COLEC10: variants seen among roughly 807,000 people sequenced by gnomAD.
COLEC10 encodes collectin subfamily member 10, also known as collectin-10.
COLEC10 carries 22 observed loss-of-function variants against 28.4 expected under a neutral mutation model. The ratio of observed to expected loss-of-function variants is 0.78; its 90% CI spans 0.55 to 1.11. The LOEUF (loss-of-function observed/expected upper bound fraction) is 1.11. COLEC10 is among the 50% of genes least tolerant of loss of function. The probability of loss-of-function intolerance (pLI) is 0.00; values close to 1 mark genes in which losing one functional copy is unlikely to be tolerated. For missense variants in COLEC10, 361 were observed against 344.1 expected (o/e 1.05, Z -0.39); for synonymous variants, 125 against 116.1 (o/e 1.08, Z -0.49).
chr8:118,986,076 C>T, the COLEC10 span, among the ~76,000 whole-genome samples: 1 of 152,020 alleles, frequency 6.6e-6, no homozygotes. Flanking sequence ...TCAAGAATCA[C>T]CAAAAGTTGG....
Position 119,103,883 on chromosome 8 carries a change from T to C in COLEC10, c.430T>C (p.Phe144Leu). 6.2e-7 allele frequency: 1 copy of C among 1,608,728 alleles called. No homozygotes were observed. Among genetic ancestry groups the C allele is most frequent in the Non-Finnish European group, 8.5e-7 (1 of 1,175,452 alleles). The stretch of plus-strand genomic sequence containing the variant: ...TGCTCGGCTCAAGACATCTATGAAG[T>C]TTGTCAAGAATGGTGAGCATATTCT... Reference protein sequence around the residue: ...SIARLKTSMKFVKNVIAGIRE... With the variant: ...SIARLKTSMKLVKNVIAGIRE... Residue 144 changes from phenylalanine (F) to leucine (L), a missense_variant, in exon 5 of 6, where the codon TTT (phenylalanine) becomes CTT (leucine). This residue lies in a region of COLEC10 where 335 missense variants were observed against 308.5 expected (regional missense o/e 1.09). Coordinates refer to ENST00000332843, the MANE Select transcript of COLEC10 (RefSeq NM_006438.5).
upstream of COLEC10, among the ~76,000 whole-genome samples, chr8:119,065,235 C>T (rs774389003): frequency 5.3e-5 from 8 of 152,066 alleles, no homozygotes; most frequent in Non-Finnish European, 1.2e-4. Context: ...GGTGAGCCTG[C>T]GAAGTTTCAT....
At chr8:119,016,203 A>AGT (rs1375835738) in intron 2 of COLEC10, among the ~76,000 whole-genome samples, 1 of 151,872 alleles carries the variant, frequency 6.6e-6, no homozygotes, top group African/African-American at 2.4e-5. Context: ...GACAGGCCCC[A>AGT]GTGTGTGATA....
At position 119,072,218 on chromosome 8, in the gene COLEC10, A is replaced by T. The variant is rs540492509; in HGVS notation, c.148+4789A>T. On this transcript the variant is annotated intron_variant, in intron 1 of 5. Transcript: ENST00000332843. Reference sequence around the variant, plus strand: ...GCAAAGCTCTTTCCCTTTCAGCATGACTCTAATCACCACATCCAATGGGGT... The same window carrying T: ...GCAAAGCTCTTTCCCTTTCAGCATGTCTCTAATCACCACATCCAATGGGGT... 2.0e-5 allele frequency among the ~76,000 whole-genome samples: 3 copies of T among 152,112 alleles called. No individual in the cohort carries two copies. In the East Asian group the frequency reaches 5.8e-4, roughly 30 times the overall value.
At chr8:119,000,794 G>A (rs1052366804) in intron 1 of COLEC10, among the ~76,000 whole-genome samples, 3 of 152,166 alleles carry the variant, frequency 2.0e-5, no homozygotes, top group African/African-American at 7.2e-5. Context: ...CAAAGCAGGG[G>A]AAAAGAAGTC....
intron 2 of COLEC10, among the ~76,000 whole-genome samples, chr8:119,044,849 A>C (rs1054165640): frequency 4.7e-4 from 71 of 152,200 alleles, no homozygotes; most frequent in African/African-American, 1.7e-3. Flanking sequence ...TCTCCAAAAA[A>C]AAAAAAAAGA....
At chr8:118,961,726 G>A in the COLEC10 span, among the ~76,000 whole-genome samples, 23 of 152,316 alleles carry the variant, frequency 1.5e-4, no homozygotes, top group African/African-American at 4.3e-4. Context: ...CGCCTGGGTG[G>A]CTGGATTGGA....
chr8:119,052,058 GC>G (rs1232719622), intron 2 of COLEC10, among the ~76,000 whole-genome samples: 1 of 152,136 alleles, frequency 6.6e-6, no homozygotes, highest in Non-Finnish European at 1.5e-5. Context: ...AACTTTATTA[GC>G]CCCTGAGTAC....
chr8:119,065,586 G>T (rs991271927), upstream of COLEC10, among the ~76,000 whole-genome samples: 1 of 152,096 alleles, frequency 6.6e-6, no homozygotes, highest in Non-Finnish European at 1.5e-5. Context: ...GCCAGGCATG[G>T]TGGCTCACAC....
chr8:119,090,850 C>T (rs941911657), intron 2 of COLEC10, among the ~76,000 whole-genome samples: 1 of 152,190 alleles, frequency 6.6e-6, no homozygotes, highest in Non-Finnish European at 1.5e-5. Context: ...ATACTTTCAC[C>T]TGGCCCTTCT....
chr8:119,077,439 T>A (rs1405657752), intron 1 of COLEC10, among the ~76,000 whole-genome samples: 1 of 152,190 alleles, frequency 6.6e-6, no homozygotes, highest in African/African-American at 2.4e-5. Context: ...TGCCAAGGTG[T>A]CCCAGCATCT....
intron 3 of COLEC10, among the ~76,000 whole-genome samples, chr8:119,098,415 T>C (rs1384525649): frequency 6.6e-6 from 1 of 152,064 alleles, no homozygotes; most frequent in East Asian, 1.9e-4. Context: ...ATTCCTCCTT[T>C]AAGGCTCAGG....
chr8:118,959,261 A>T, the COLEC10 span, among the ~76,000 whole-genome samples: 5 of 152,242 alleles, frequency 3.3e-5, no homozygotes, highest in Non-Finnish European at 5.9e-5. Context: ...AGAGCATAGG[A>T]TGAAGATCTG....
chr8:119,000,837 GA>G (rs1388119802), intron 1 of COLEC10, among the ~76,000 whole-genome samples: 36 of 152,286 alleles, frequency 2.4e-4, no homozygotes, highest in Non-Finnish European at 3.8e-4. Context: ...ATTGATAGGT[GA>G]AAATATTGAA....
At chr8:119,018,186 C>T (rs1261543965) in intron 2 of COLEC10, among the ~76,000 whole-genome samples, 1 of 152,168 alleles carries the variant, frequency 6.6e-6, no homozygotes, top group Non-Finnish European at 1.5e-5. Context: ...TAGTGGGAGA[C>T]CTTTACTAAA....
chr8:118,971,809 C>A, the COLEC10 span, among the ~76,000 whole-genome samples: 2 of 151,932 alleles, frequency 1.3e-5, no homozygotes, highest in South Asian at 4.1e-4. Flanking sequence ...GGTGTCAGAT[C>A]ACTTGGCTAA....
At position 119,105,876 on chromosome 8, in the gene COLEC10, A is replaced by G. The variant is rs1389791359; in HGVS notation, c.519A>G (p.Leu173=). The change falls in exon 6 of 6, where the codon CTA becomes CTG. Residue 173 remains leucine, a synonymous_variant. Transcript: ENST00000332843. ...AAGAGAAGAACTACAGGGAATCCCT[A>G]ACCCACTGCAGGATTCGGGGTGGAA... The part of the protein sequence containing the change: ...VQEEKNYRES[L]THCRIRGGML... 2 of 1,613,792 alleles carry G rather than the reference A, an allele frequency of 1.2e-6. No individual in the cohort carries two copies. The highest frequency in any genetic ancestry group is 1.7e-6 in the Non-Finnish European group (2 of 1,179,848).
chr8:119,045,743 CT>C (rs575643174), intron 2 of COLEC10, among the ~76,000 whole-genome samples: 4 of 152,256 alleles, frequency 2.6e-5, no homozygotes, highest in East Asian at 3.9e-4. Context: ...AAATTCAAAA[CT>C]TTTTTTCTCC....
At chr8:119,091,597 GAAAGAAAGAAAGAAAGAA>G (rs778565367) in intron 3 of COLEC10, among the ~76,000 whole-genome samples, 11 of 123,242 alleles carry the variant, frequency 8.9e-5, no homozygotes, top group Non-Finnish European at 1.6e-4. Flanking sequence ...GAGAGAGAGA[GAAAGAAAGAAAGAAAGAA>G]AGAAAGAAAG....
Sources: allele counts gnomAD v4.1 joint callset (sites outside exome capture counted in the v4.1 genomes callset), GRCh38; gene constraint gnomAD v4.1.1; regional missense constraint gnomAD v4.1.1; transcripts MANE v1.5; gene names NCBI Gene and HGNC (gene_info 2026-07-23, HGNC 2026-07-21).